FSIP2: variants seen among roughly 807,000 people sequenced by gnomAD.
FSIP2 encodes fibrous sheath interacting protein 2.
A neutral mutation model predicts 510.5 loss-of-function variants in FSIP2; 367 were observed. The observed-to-expected ratio is 0.72, with a 90% CI of 0.66 to 0.78. The LOEUF (loss-of-function observed/expected upper bound fraction) is 0.78, where lower values mean the gene tolerates loss of function less well. Among genes scored for constraint, FSIP2 ranks in the 30% least tolerant of loss-of-function variants. The pLI is 0.00. For synonymous variants in FSIP2, 2,601 were observed against 2,732.2 expected (o/e 0.95, Z 1.50); for missense variants, 7,594 against 7,901.7 (o/e 0.96, Z 1.48).
chr2:185,748,536 C>T (rs1692081811), intron 7 of FSIP2, among the ~76,000 whole-genome samples: 1 of 151,916 alleles, frequency 6.6e-6, no homozygotes, highest in Admixed American at 6.6e-5. Context: ...TCTAAAACTG[C>T]ACATCTCTGG....
chr2:185,766,346 A>T (rs1465946731), intron 13 of FSIP2: 18 of 145,778 alleles, frequency 1.2e-4, no homozygotes, highest in African/African-American at 3.4e-4. Context: ...GAGCTTCTGC[A>T]CAGCAAAAGA....
Position 185,794,460 on chromosome 2 carries a change from T to G in FSIP2, c.7324T>G (p.Ser2442Ala). Residue 2442 changes from serine (S) to alanine (A), a missense_variant, in exon 16 of 23, where the codon TCT becomes GCT. Ser to Ala is a moderately conservative substitution (Grantham distance 99, BLOSUM62 1). Coordinates refer to ENST00000424728, the MANE Select transcript of FSIP2 (RefSeq NM_173651.4). ...HKEKERSTKQSLFTKYPLEQN... is the reference protein window; with the variant it reads ...HKEKERSTKQALFTKYPLEQN... ...AGAGAAGGAAAGAAGTACCAAACAA[T>G]CTCTATTTACAAAGTATCCATTAGA... 6.6e-7 allele frequency: 1 copy of G among 1,509,912 alleles called. No individual in the cohort carries two copies. Among genetic ancestry groups the G allele is most frequent in the East Asian group, 2.5e-5 (1 of 40,626 alleles). The allele number at this position is 1,509,912 out of a possible 1,614,324, so 93.5% of individuals were successfully genotyped here. A position where few individuals can be genotyped will look rare whatever the true frequency, so the allele number is the denominator to read the frequency against.
At chr2:185,774,198 T>A (rs754706968) in intron 13 of FSIP2, among the ~76,000 whole-genome samples, 14 of 152,330 alleles carry the variant, frequency 9.2e-5, no homozygotes, top group Admixed American at 2.0e-4. Context: ...TTGTACAACT[T>A]AATATAGAGC....
chr2:185,813,514 AT>A (rs34138386), intron 17 of FSIP2, 30 bp from the exon 18 acceptor site: 2 of 1,397,758 alleles, frequency 1.4e-6, no homozygotes, highest in Non-Finnish European at 9.6e-7. Context: ...TAGGCATTTG[AT>A]TTTAATATTT....
Position 185,762,013 on chromosome 2 carries a change from T to G in FSIP2, c.1236T>G (p.Asp412Glu), listed in dbSNP as rs1280480616. The change falls in exon 11 of 23, where the codon GAT becomes GAG. Residue 412 changes from aspartate (D) to glutamate (E), a missense_variant. Asp to Glu is a conservative substitution (Grantham distance 45). Coordinates refer to ENST00000424728, the MANE Select transcript of FSIP2 (RefSeq NM_173651.4). ...CTAAAAACTCAAGTATTTTCGATGA[T>G]AGAGGTAAGAAAATAAACAATAGTC... ...MVSKNSSIFD[D>E]RGGINISGQG... 5 of 1,443,392 alleles carry G rather than the reference T, an allele frequency of 3.5e-6. No individual in the cohort carries two copies. In the African/African-American group the frequency reaches 7.0e-5, roughly 20 times the overall value. 89.4% of individuals were successfully genotyped at this position (1,443,392 alleles called of 1,614,324 possible).
rs1390420190 is a variant in FSIP2, at chr2:185,743,172, T to C, written c.265T>C (p.Tyr89His). 2 of 1,527,058 alleles carry C rather than the reference T, an allele frequency of 1.3e-6. No homozygotes were observed. Among genetic ancestry groups the C allele is most frequent in the South Asian group, 1.2e-5 (1 of 81,896 alleles). 94.6% of individuals were successfully genotyped at this position (1,527,058 alleles called of 1,614,324 possible). Residue 89 changes from tyrosine (Y) to histidine (H), a missense_variant, in exon 3 of 23, where the codon TAT (tyrosine) becomes CAT (histidine). Coordinates refer to ENST00000424728, the MANE Select transcript of FSIP2 (RefSeq NM_173651.4). ...PSYGFNLTDP[Y>H]CRLLENQYKS... ...TTATGGTTTTAACCTGACTGATCCC[T>C]ATTGTCGACTTTTGGAAAACCAATA...
intron 18 of FSIP2, 32 bp from the exon 19 acceptor site, chr2:185,815,339 T>C: frequency 1.1e-6 from 1 of 934,710 alleles, no homozygotes; most frequent in Non-Finnish European, 1.7e-6. Context: ...CCAAACTCCA[T>C]TTAGTGTAAT....
At chr2:185,782,189 CAT>C (rs545734425) in intron 13 of FSIP2, among the ~76,000 whole-genome samples, 248 of 152,262 alleles carry the variant, frequency 1.6e-3, no homozygotes, top group African/African-American at 5.8e-3. Context: ...TGTGGGAAGT[CAT>C]AATCAGGTGT....
At chr2:185,799,577 A>G (rs1693374688) in intron 16 of FSIP2, 120 bp from the exon 17 acceptor site, 1 of 453,210 alleles carries the variant, frequency 2.2e-6, no homozygotes, top group Admixed American at 4.1e-5. Context: ...TTTTGTTTAG[A>G]TTTTTCTTTA....
chr2:185,737,898 TG>T (rs1467428139), upstream of FSIP2, among the ~76,000 whole-genome samples: 1 of 152,136 alleles, frequency 6.6e-6, no homozygotes, highest in African/African-American at 2.4e-5. Flanking sequence ...TAACAGCAAT[TG>T]TCAGTCTTCC....
rs1693409394 is a variant in FSIP2, at chr2:185,800,572, G to T, written c.11266G>T (p.Val3756Leu). ...SSKSVFLLNV[V>L]CEKLIRILLE... ...AAAATCAGTTTTTCTTCTCAATGTTGTATGTGAGAAACTTATCAGAATACT... is the reference window on the plus strand; with the variant it reads ...AAAATCAGTTTTTCTTCTCAATGTTTTATGTGAGAAACTTATCAGAATACT... Residue 3756 changes from valine to leucine, a missense_variant, in exon 17 of 23, where the codon GTA becomes TTA. Val to Leu is a conservative substitution (Grantham distance 32, BLOSUM62 1). Transcript: ENST00000424728. 6.5e-7 allele frequency: 1 copy of T among 1,529,280 alleles called. No homozygotes were observed. Among genetic ancestry groups the T allele is most frequent in the Non-Finnish European group, 8.7e-7 (1 of 1,143,746 alleles). 94.7% of individuals were successfully genotyped at this position (1,529,280 alleles called of 1,614,324 possible).
intron 21 of FSIP2, among the ~76,000 whole-genome samples, chr2:185,829,686 A>T (rs1465373239): frequency 6.6e-6 from 1 of 151,936 alleles, no homozygotes; most frequent in Non-Finnish European, 1.5e-5. Context: ...TTCTCTGACC[A>T]ATAGGGAAAG....
At chr2:185,738,452 G>C (rs543323109), upstream of FSIP2, 5 of 677,216 alleles carry the variant, frequency 7.4e-6, no homozygotes, top group African/African-American at 9.1e-5. Context: ...GGGAGCCTGG[G>C]GATGGGGTGT....
Position 185,808,905 on chromosome 2 carries a change from T to A in FSIP2, c.19599T>A (p.Asp6533Glu). 6.2e-7 allele frequency: 1 copy of A among 1,605,172 alleles called. No individual in the cohort carries two copies. The highest frequency in any genetic ancestry group is 8.5e-7 in the Non-Finnish European group (1 of 1,177,496). ...PHVGKKPVKI[D>E]PKIISEHLAV... ...TTGGAAAAAAACCAGTCAAAATAGA[T>A]CCAAAAATTATTTCAGAACACTTAG... Residue 6533 changes from aspartate (D) to glutamate (E), a missense_variant, in exon 17 of 23, where the codon GAT becomes GAA. Transcript: ENST00000424728.
At chr2:185,815,742 A>G (rs1693813670) in intron 19 of FSIP2, among the ~76,000 whole-genome samples, 1 of 152,036 alleles carries the variant, frequency 6.6e-6, no homozygotes, top group African/African-American at 2.4e-5. Context: ...CTAATGTATT[A>G]GGGTATTTTC....
intron 13 of FSIP2, among the ~76,000 whole-genome samples, chr2:185,768,023 C>T (rs1433949777): frequency 6.6e-6 from 1 of 152,002 alleles, no homozygotes; most frequent in Non-Finnish European, 1.5e-5. Context: ...ACAATCTTGC[C>T]AATACTTGTT....
chr2:185,818,723 A>C (rs928399849), intron 19 of FSIP2, among the ~76,000 whole-genome samples: 4 of 152,014 alleles, frequency 2.6e-5, no homozygotes, highest in Admixed American at 1.3e-4. Context: ...TCCAGCAAAA[A>C]ATGTTCTTCA....
chr2:185,824,985 C>A (rs917267245), intron 20 of FSIP2, among the ~76,000 whole-genome samples: 1 of 151,576 alleles, frequency 6.6e-6, no homozygotes, highest in Non-Finnish European at 1.5e-5. Flanking sequence ...CTTTTAGGTT[C>A]TCTAACTGTC....
intron 17 of FSIP2, among the ~76,000 whole-genome samples, chr2:185,810,537 CTTTTTTTTT>C (rs11298474): frequency 0.013 from 1,371 of 107,064 alleles, 18 homozygotes; most frequent in African/African-American, 0.04. Flanking sequence ...AGTTAAACCT[CTTTTTTTTT>C]TTTTTTTTTT....
Sources: allele counts gnomAD v4.1 joint callset (sites outside exome capture counted in the v4.1 genomes callset), GRCh38; gene constraint gnomAD v4.1.1; transcripts MANE v1.5; gene names NCBI Gene and HGNC (gene_info 2026-07-23, HGNC 2026-07-21).